The following CNTNAP2 variants were observed in gnomAD, a reference collection of about 807,000 sequenced individuals.
CNTNAP2 encodes contactin-associated protein-like 2.
A neutral mutation model predicts 155.2 loss-of-function variants in CNTNAP2; 98 were observed. The ratio of observed to expected loss-of-function variants is 0.63; its 90% CI spans 0.54 to 0.75. The LOEUF (loss-of-function observed/expected upper bound fraction) is 0.75. Among genes scored for constraint, CNTNAP2 ranks in the 30% least tolerant of loss-of-function variants. CNTNAP2 has a pLI of 0.00. For synonymous variants in CNTNAP2, 651 were observed against 631.2 expected (o/e 1.03, Z -0.47); for missense variants, 1,727 against 1,688.1 (o/e 1.02, Z -0.40).
At position 146,969,329 on chromosome 7, in the gene CNTNAP2, G is replaced by A. The variant is rs555661947; in HGVS notation, c.403-74578G>A. Reference sequence around the variant, plus strand: ...AGGTCTGTAGATGTCTATTAGGTCCGCTTGGTGCAGAGCTGAGTTCAATTC... The same window carrying A: ...AGGTCTGTAGATGTCTATTAGGTCCACTTGGTGCAGAGCTGAGTTCAATTC... On this transcript the variant is annotated intron_variant, in intron 3 of 23. Coordinates refer to ENST00000361727, the MANE Select transcript of CNTNAP2 (RefSeq NM_014141.6). Among the ~76,000 whole-genome samples the A allele has an allele frequency of 6.9e-3, 1,053 of 152,042 alleles. 17 individuals carry two copies. Among genetic ancestry groups the A allele is most frequent in the African/African-American group, 0.022 (902 of 41,474 alleles).
intron 15 of CNTNAP2, among the ~76,000 whole-genome samples, chr7:148,095,085 G>A (rs1160945719): frequency 6.6e-6 from 1 of 152,180 alleles, no homozygotes; most frequent in African/African-American, 2.4e-5. Context: ...AACAAGCACA[G>A]AAATCAGGGC....
intron 8 of CNTNAP2, among the ~76,000 whole-genome samples, chr7:147,216,328 G>T (rs550447169): frequency 2.6e-5 from 4 of 152,048 alleles, no homozygotes; most frequent in African/African-American, 9.6e-5. Context: ...TTACCTTTAG[G>T]TCTGTGATCC....
chr7:148,144,962 A>T (rs1805148022), intron 16 of CNTNAP2, among the ~76,000 whole-genome samples: 1 of 152,124 alleles, frequency 6.6e-6, no homozygotes, highest in South Asian at 2.1e-4. Flanking sequence ...AGCTTTTAAA[A>T]CACACTGGCT....
At chr7:146,806,594 G>C (rs1306780466) in intron 2 of CNTNAP2, among the ~76,000 whole-genome samples, 1 of 152,044 alleles carries the variant, frequency 6.6e-6, no homozygotes, top group Non-Finnish European at 1.5e-5. Context: ...ACCTTAATTT[G>C]CCTATTTATC....
chr7:146,224,518 C>G (rs1441320171), intron 1 of CNTNAP2, among the ~76,000 whole-genome samples: 1 of 150,286 alleles, frequency 6.7e-6, no homozygotes, highest in African/African-American at 2.5e-5. Flanking sequence ...GAGGCCGAGG[C>G]GGGCGGATCA....
chr7:147,777,865 A>G (rs1229662312), intron 13 of CNTNAP2, among the ~76,000 whole-genome samples: 1 of 152,080 alleles, frequency 6.6e-6, no homozygotes, highest in East Asian at 1.9e-4. Context: ...ATTTTGTTCT[A>G]TATATAGTAT....
At chr7:147,748,235 A>G (rs553508461) in intron 13 of CNTNAP2, among the ~76,000 whole-genome samples, 5 of 152,360 alleles carry the variant, frequency 3.3e-5, no homozygotes, top group Admixed American at 6.5e-5. Flanking sequence ...TAAGTTGTAC[A>G]TTAGAAGTTT....
Position 147,326,349 on chromosome 7 carries a change from A to G in CNTNAP2, c.1498+26059A>G, listed in dbSNP as rs1174421123. Among the ~76,000 whole-genome samples, 5 of 152,178 alleles carry G rather than the reference A, an allele frequency of 3.3e-5. No individual in the cohort carries two copies. The East Asian group carries it at 7.7e-4, about 23-fold the overall frequency. ...CATCACGTTTCTTTAGGATCCATAT[A>G]TGTTGCAGCATATGTCAGAATTTTG... is the stretch of plus-strand genomic sequence containing the variant. On this transcript the variant is annotated intron_variant, in intron 9 of 23. Transcript: ENST00000361727.
intron 3 of CNTNAP2, among the ~76,000 whole-genome samples, chr7:146,889,768 TA>T: frequency 6.6e-6 from 1 of 152,300 alleles, no homozygotes; most frequent in East Asian, 1.9e-4. Context: ...CTTCCTATTA[TA>T]TTATCATATA....
intron 1 of CNTNAP2, among the ~76,000 whole-genome samples, chr7:146,631,030 A>G (rs1799502188): frequency 6.6e-6 from 1 of 152,134 alleles, no homozygotes; most frequent in Non-Finnish European, 1.5e-5. Context: ...GCTACCATTG[A>G]CTTTTTTCAC....
At chr7:147,567,802 T>G (rs1800202302) in intron 12 of CNTNAP2, among the ~76,000 whole-genome samples, 1 of 152,110 alleles carries the variant, frequency 6.6e-6, no homozygotes, top group African/African-American at 2.4e-5. Flanking sequence ...AAAAAAATCT[T>G]TGGCCGGGCA....
At chr7:146,171,744 T>TC (rs1798393905) in intron 1 of CNTNAP2, among the ~76,000 whole-genome samples, 1 of 152,096 alleles carries the variant, frequency 6.6e-6, no homozygotes, top group Non-Finnish European at 1.5e-5. Flanking sequence ...ATAAAACATA[T>TC]ATAATGTGTA....
chr7:146,231,953 T>C (rs1799392890), intron 1 of CNTNAP2, among the ~76,000 whole-genome samples: 1 of 152,206 alleles, frequency 6.6e-6, no homozygotes, highest in Non-Finnish European at 1.5e-5. Context: ...ACATTTTTTT[T>C]CTAATTTTTG....
At chr7:146,971,426 G>C (rs1295735370) in intron 3 of CNTNAP2, among the ~76,000 whole-genome samples, 6 of 152,126 alleles carry the variant, frequency 3.9e-5, no homozygotes, top group Non-Finnish European at 8.8e-5. Flanking sequence ...TGAATAATAG[G>C]TGTCTATATC....
intron 1 of CNTNAP2, among the ~76,000 whole-genome samples, chr7:146,253,738 G>C (rs113983045): frequency 6.6e-6 from 1 of 151,982 alleles, no homozygotes; most frequent in Non-Finnish European, 1.5e-5. Flanking sequence ...AAATTGCTTC[G>C]TCAAACTGTT....
At chr7:146,620,940 GA>G (rs1799306296) in intron 1 of CNTNAP2, among the ~76,000 whole-genome samples, 1 of 152,068 alleles carries the variant, frequency 6.6e-6, no homozygotes, top group South Asian at 2.1e-4. Context: ...TAACAATTGG[GA>G]ATTATAAAAT....
chr7:148,294,692 C>T (rs1918289), intron 21 of CNTNAP2, among the ~76,000 whole-genome samples: 150,535 of 152,308 alleles, frequency 0.99, 74,411 homozygotes, highest in Middle Eastern at 1. Context: ...TTCATTAAAG[C>T]AGCTAACTTC....
intron 12 of CNTNAP2, among the ~76,000 whole-genome samples, chr7:147,563,334 A>G (rs1800101017): frequency 6.6e-6 from 1 of 152,174 alleles, no homozygotes; most frequent in Non-Finnish European, 1.5e-5. Flanking sequence ...GTAGTTAAAT[A>G]ACTTGCCCAT....
At chr7:147,241,366 G>A (rs1803933979) in intron 8 of CNTNAP2, among the ~76,000 whole-genome samples, 1 of 152,104 alleles carries the variant, frequency 6.6e-6, no homozygotes, top group Admixed American at 6.5e-5. Flanking sequence ...GGTGCCTCTT[G>A]CCTGTAATGC....
Sources: gnomAD v4.1 joint callset for allele counts (sites outside exome capture counted in the v4.1 genomes callset) on GRCh38, gnomAD v4.1.1 for gene constraint, MANE v1.5 for transcripts, NCBI Gene and HGNC (gene_info 2026-07-23, HGNC 2026-07-21) for gene names.